Variants in ZCCHC2 observed in about 807,000 individuals in gnomAD.
ZCCHC2 encodes zinc finger CCHC domain-containing protein 2.
ZCCHC2 carries 39 observed loss-of-function variants against 103.6 expected under a neutral mutation model. The observed-to-expected ratio is 0.38, with a 90% CI of 0.29 to 0.49. ZCCHC2 has a LOEUF of 0.49. Among genes scored for constraint, ZCCHC2 ranks in the 20% least tolerant of loss-of-function variants. The pLI is 0.96. For synonymous variants in ZCCHC2, 687 were observed against 608.9 expected (o/e 1.13, Z -1.89); for missense variants, 1,483 against 1,491.0 (o/e 0.99, Z 0.09).
At chr18:62,570,532 A>C (rs1355695548) in intron 12 of ZCCHC2, among the ~76,000 whole-genome samples, 1 of 152,196 alleles carries the variant, frequency 6.6e-6, no homozygotes, top group Non-Finnish European at 1.5e-5. Context: ...TGTTAGATGC[A>C]TATGTATGTT....
At chr18:62,565,361 GGTT>G (rs1418621934) in intron 11 of ZCCHC2, among the ~76,000 whole-genome samples, 1 of 151,950 alleles carries the variant, frequency 6.6e-6, no homozygotes, top group Non-Finnish European at 1.5e-5. Flanking sequence ...GAGTCTCCCA[GGTT>G]GTTCTTCTCC....
chr18:62,542,690 A>C, intron 3 of ZCCHC2, 116 bp downstream of exon 3: 2 of 881,958 alleles, frequency 2.3e-6, no homozygotes, highest in Non-Finnish European at 3.5e-6. Context: ...TTTTTAATTA[A>C]GAGAATGTAC....
chr18:62,566,180 G>T (rs2145525839), intron 11 of ZCCHC2, among the ~76,000 whole-genome samples: 1 of 152,320 alleles, frequency 6.6e-6, no homozygotes, highest in East Asian at 1.9e-4. Flanking sequence ...GGGAGGCAGA[G>T]GTTGCAATGA....
At chr18:62,547,448 A>G (rs1170553760) in intron 4 of ZCCHC2, among the ~76,000 whole-genome samples, 1 of 151,916 alleles carries the variant, frequency 6.6e-6, no homozygotes, top group African/African-American at 2.4e-5. Context: ...GTGTGGAAAT[A>G]TGAGTTGGAG....
chr18:62,529,850 A>G (rs949325892), intron 1 of ZCCHC2, among the ~76,000 whole-genome samples: 4 of 152,218 alleles, frequency 2.6e-5, no homozygotes, highest in Non-Finnish European at 5.9e-5. Context: ...CGGGGATTCA[A>G]CCAACTATGG....
chr18:62,582,022 G>A (rs1398194420), downstream of ZCCHC2: 1 of 153,382 alleles, frequency 6.5e-6, no homozygotes, highest in African/African-American at 2.4e-5. Context: ...TGGGGACGTG[G>A]GGGAAGGAGA....
At chr18:62,556,720 C>T (rs565102337) in intron 6 of ZCCHC2, among the ~76,000 whole-genome samples, 1 of 152,294 alleles carries the variant, frequency 6.6e-6, no homozygotes, top group South Asian at 2.1e-4. Flanking sequence ...TTGTTTTCAT[C>T]ACGGAAAGGA....
intron 1 of ZCCHC2, among the ~76,000 whole-genome samples, chr18:62,539,273 AT>A (rs1915069047): frequency 6.6e-6 from 1 of 152,220 alleles, no homozygotes; most frequent in Non-Finnish European, 1.5e-5. Flanking sequence ...CTTTTTCCTA[AT>A]AAAGCATCTT....
At chr18:62,536,516 A>G (rs1424102448) in intron 1 of ZCCHC2, among the ~76,000 whole-genome samples, 3 of 152,186 alleles carry the variant, frequency 2.0e-5, no homozygotes, top group South Asian at 4.1e-4. Context: ...ATTCCTCTTT[A>G]TATGATTCCA....
intron 3 of ZCCHC2, among the ~76,000 whole-genome samples, chr18:62,543,949 AAAGTAAATAAATGTGCCAGTT>A (rs1314479489): frequency 6.6e-6 from 1 of 152,256 alleles, no homozygotes. Flanking sequence ...ATGTGCCAGT[AAAGTAAATAAATGTGCCAGTT>A]AATAAAGATA....
intron 1 of ZCCHC2, chr18:62,539,480 G>A (rs1915079066): frequency 4.2e-6 from 2 of 472,108 alleles, no homozygotes; most frequent in East Asian, 3.7e-5. Flanking sequence ...AAGAAAGCTA[G>A]GACAGTCAAT....
Position 62,562,687 on chromosome 18 carries a change from T to G in ZCCHC2, c.1551-322T>G, listed in dbSNP as rs77258338. 9.9e-3 allele frequency among the ~76,000 whole-genome samples: 1,506 copies of G among 152,306 alleles called. 17 individuals carry two copies. Among genetic ancestry groups the G allele is most frequent in the African/African-American group, 0.035 (1,440 of 41,552 alleles). ...TTCATGTGCCCAGTTACTTAAGTGC[T>G]CATGACAGCAGTGCTCTCAAGATGC... is the stretch of plus-strand genomic sequence containing the variant. On this transcript the variant is annotated intron_variant, in intron 8 of 13. Coordinates refer to ENST00000269499, the MANE Select transcript of ZCCHC2 (RefSeq NM_017742.6).
chr18:62,529,108 C>G (rs1043577617), intron 1 of ZCCHC2, among the ~76,000 whole-genome samples: 3 of 138,496 alleles, frequency 2.2e-5, no homozygotes, highest in Non-Finnish European at 4.5e-5. Flanking sequence ...TGTAGTCAGC[C>G]GAGATCACGC....
intron 1 of ZCCHC2, among the ~76,000 whole-genome samples, chr18:62,528,285 A>G (rs1390856041): frequency 6.6e-6 from 1 of 152,258 alleles, no homozygotes; most frequent in Non-Finnish European, 1.5e-5. Flanking sequence ...CACTTACTAA[A>G]AGTAGTGAAT....
chr18:62,579,725 T>G (rs1273408165), downstream of ZCCHC2, among the ~76,000 whole-genome samples: 2 of 152,098 alleles, frequency 1.3e-5, no homozygotes, highest in Non-Finnish European at 2.9e-5. Context: ...TGTTAGTCTT[T>G]TCTTTTTTTT....
At position 62,575,485 on chromosome 18, in the gene ZCCHC2, A is replaced by G. The variant is rs761916942; in HGVS notation, c.3404A>G (p.Asn1135Ser). ...PKKNGNVSCYNCGVSGHYAQD... is the reference protein window; with the variant it reads ...PKKNGNVSCYSCGVSGHYAQD... Reference sequence around the variant, plus strand: ...AAGAATGGGAATGTCTCATGTTACAATTGTGGTGTAAGCGGACACTATGCA... The same window carrying G: ...AAGAATGGGAATGTCTCATGTTACAGTTGTGGTGTAAGCGGACACTATGCA... The change falls in exon 13 of 14, where the codon AAT becomes AGT. Residue 1135 changes from asparagine (N) to serine (S), a missense_variant. Asn to Ser is a conservative substitution (Grantham distance 46). Transcript: ENST00000269499. 16 of 1,613,922 alleles carry G rather than the reference A, an allele frequency of 9.9e-6. No homozygotes were observed. The East Asian group carries it at 1.8e-4, about 18-fold the overall frequency.
At chr18:62,558,623 A>C in intron 6 of ZCCHC2, 64 bp from the exon 7 acceptor site, 1 of 992,256 alleles carries the variant, frequency 1.0e-6, no homozygotes, top group Non-Finnish European at 1.4e-6. Flanking sequence ...AAAAACAATT[A>C]TTATATTTGT....
intron 1 of ZCCHC2, among the ~76,000 whole-genome samples, chr18:62,527,409 C>T (rs531730349): frequency 6.6e-6 from 1 of 152,246 alleles, no homozygotes; most frequent in South Asian, 2.1e-4. Flanking sequence ...AGGTATAACA[C>T]GTACACAGGT....
At position 62,560,581 on chromosome 18, in the gene ZCCHC2, T is replaced by G. The variant is rs1429562110; in HGVS notation, c.1493-6T>G. 1.9e-6 allele frequency: 3 copies of G among 1,612,990 alleles called. No individual in the cohort carries two copies. The highest frequency in any genetic ancestry group is 2.5e-6 in the Non-Finnish European group (3 of 1,179,376). On this transcript the variant is annotated splice_polypyrimidine_tract_variant and splice_region_variant and intron_variant, in intron 7 of 13. Transcript: ENST00000269499. ...GTGTAATAAGTTACTTTTTCCTCTC[T>G]TCTAGATGTGTTGCAGCATGCCATA...
Sources: allele counts gnomAD v4.1 joint callset (sites outside exome capture counted in the v4.1 genomes callset), GRCh38; gene constraint gnomAD v4.1.1; transcripts MANE v1.5; gene names NCBI Gene and HGNC (gene_info 2026-07-23, HGNC 2026-07-21).